LINGO2: variants seen among roughly 807,000 people sequenced by gnomAD.
LINGO2 encodes leucine rich repeat and Ig domain containing 2.
In LINGO2, 14 loss-of-function variants were observed where a neutral mutation model predicts 30.6. The ratio of observed to expected loss-of-function variants is 0.46; its 90% CI spans 0.30 to 0.72. LINGO2 has a LOEUF of 0.72. LINGO2 is among the 30% of genes least tolerant of loss of function. The probability of loss-of-function intolerance (pLI) is 0.07; values close to 1 mark genes in which losing one functional copy is unlikely to be tolerated. For missense variants in LINGO2, 729 were observed against 751.7 expected, an observed-to-expected ratio of 0.97 and a Z score of 0.35; for synonymous variants, 317 against 288.5, an observed-to-expected ratio of 1.10 and a Z score of -1.00.
the LINGO2 span, among the ~76,000 whole-genome samples, chr9:28,884,969 ATAATATATATAATATATAATAATATAT>A: frequency 0.013 from 216 of 16,972 alleles, 19 homozygotes; most frequent in Middle Eastern, 0.038. Context: ...TTTTATATAT[ATAATATATATAATATATAATAATATAT>A]TATATATATA....
the LINGO2 span, among the ~76,000 whole-genome samples, chr9:28,690,921 A>C: frequency 1.3e-5 from 2 of 152,340 alleles, no homozygotes; most frequent in East Asian, 3.9e-4. Flanking sequence ...ATTATAAATA[A>C]AAGTTGAAGA....
At chr9:28,006,897 T>C (rs1336353578) in intron 5 of LINGO2, among the ~76,000 whole-genome samples, 1 of 150,150 alleles carries the variant, frequency 6.7e-6, no homozygotes, top group East Asian at 2.0e-4. Context: ...GAGCAGCTAA[T>C]CCACATATAC....
At chr9:27,971,402 G>T (rs1338810906) in intron 5 of LINGO2, among the ~76,000 whole-genome samples, 1 of 152,060 alleles carries the variant, frequency 6.6e-6, no homozygotes, top group African/African-American at 2.4e-5. Flanking sequence ...TTATTTTTTA[G>T]ATTGAGTTCT....
the LINGO2 span, among the ~76,000 whole-genome samples, chr9:28,923,646 T>C: frequency 4.6e-5 from 7 of 151,918 alleles, no homozygotes; most frequent in Admixed American, 6.6e-5. Context: ...CTCGGGATAA[T>C]TGAATGTAGA....
the LINGO2 span, among the ~76,000 whole-genome samples, chr9:29,097,736 C>A: frequency 7.2e-6 from 1 of 138,170 alleles, no homozygotes; most frequent in African/African-American, 2.7e-5. Flanking sequence ...TATTTAAAAA[C>A]AAAAACTCCA....
chr9:28,162,382 A>C (rs1828311029), intron 4 of LINGO2, among the ~76,000 whole-genome samples: 1 of 152,080 alleles, frequency 6.6e-6, no homozygotes, highest in Non-Finnish European at 1.5e-5. Flanking sequence ...TTCATGTCAG[A>C]CTCTGGGTGA....
At chr9:28,987,233 G>C in the LINGO2 span, among the ~76,000 whole-genome samples, 3 of 151,662 alleles carry the variant, frequency 2.0e-5, no homozygotes, top group East Asian at 3.9e-4. Context: ...CTCATTATTG[G>C]TCTGTTCGTA....
At chr9:28,691,886 C>T in the LINGO2 span, among the ~76,000 whole-genome samples, 1 of 151,974 alleles carries the variant, frequency 6.6e-6, no homozygotes, top group Non-Finnish European at 1.5e-5. Context: ...CTGAAGAAAA[C>T]ATATAATGAA....
chr9:29,205,121 A>G, the LINGO2 span, among the ~76,000 whole-genome samples: 1 of 151,980 alleles, frequency 6.6e-6, no homozygotes, highest in Non-Finnish European at 1.5e-5. Context: ...GCTCACTGCA[A>G]CCTCCGCCTC....
At chr9:28,346,803 T>G (rs1204853758) in intron 3 of LINGO2, among the ~76,000 whole-genome samples, 2 of 152,138 alleles carry the variant, frequency 1.3e-5, no homozygotes, top group African/African-American at 4.8e-5. Context: ...GTCTTTTTTT[T>G]TTCATATGCT....
At chr9:28,156,453 A>G (rs897258563) in intron 4 of LINGO2, among the ~76,000 whole-genome samples, 1 of 152,204 alleles carries the variant, frequency 6.6e-6, no homozygotes, top group Admixed American at 6.5e-5. Context: ...TCTACATCCA[A>G]TCTTATGACA....
At chr9:28,805,623 A>T in the LINGO2 span, among the ~76,000 whole-genome samples, 1 of 152,198 alleles carries the variant, frequency 6.6e-6, no homozygotes, top group African/African-American at 2.4e-5. Flanking sequence ...ATACTTATTC[A>T]GTTTTCACAA....
At position 28,394,882 on chromosome 9, in the gene LINGO2, T is replaced by C. The variant is rs543747486; in HGVS notation, c.-278-22014A>G. ...CAGCCCCAAACTGTTGTCATTTTCTTCTTTAGTAAAATGAACACAAGTGCA... is the reference window on the plus strand; with the variant it reads ...CAGCCCCAAACTGTTGTCATTTTCTCCTTTAGTAAAATGAACACAAGTGCA... On this transcript the variant is annotated intron_variant, in intron 2 of 5. Coordinates refer to ENST00000379992, the Ensembl canonical transcript of LINGO2. Among the ~76,000 whole-genome samples, 91 of 152,358 alleles carry C rather than the reference T, an allele frequency of 6.0e-4. 2 individuals are homozygous for C. Among genetic ancestry groups the C allele is most frequent in the Middle Eastern group, 3.4e-3 (1 of 294 alleles).
the LINGO2 span, among the ~76,000 whole-genome samples, chr9:29,005,267 C>T: frequency 9.2e-5 from 14 of 151,972 alleles, no homozygotes; most frequent in Middle Eastern, 3.4e-3. Context: ...TTTAATAATA[C>T]ATCAGGGTTA....
intron 3 of LINGO2, among the ~76,000 whole-genome samples, chr9:28,356,548 T>C (rs1298132484): frequency 2.0e-5 from 3 of 152,150 alleles, no homozygotes; most frequent in Non-Finnish European, 2.9e-5. Flanking sequence ...CTGTACCATG[T>C]AGCTGTTTCT....
intron 1 of LINGO2, among the ~76,000 whole-genome samples, chr9:28,547,285 T>A (rs369566426): frequency 1.1e-4 from 17 of 152,244 alleles, no homozygotes; most frequent in African/African-American, 3.8e-4. Context: ...CAAGTTTTAG[T>A]AGATACATTT....
At chr9:28,908,844 C>T in the LINGO2 span, among the ~76,000 whole-genome samples, 21 of 151,976 alleles carry the variant, frequency 1.4e-4, no homozygotes, top group South Asian at 4.1e-3. Flanking sequence ...AGTTCTTAAT[C>T]ACAAACATTT....
chr9:28,832,733 G>T, the LINGO2 span, among the ~76,000 whole-genome samples: 1 of 152,116 alleles, frequency 6.6e-6, no homozygotes, highest in Non-Finnish European at 1.5e-5. Context: ...TACTGATCCA[G>T]CCATGTCTTT....
At chr9:28,907,665 A>C in the LINGO2 span, among the ~76,000 whole-genome samples, 1 of 151,794 alleles carries the variant, frequency 6.6e-6, no homozygotes, top group Non-Finnish European at 1.5e-5. Context: ...AGCTATGTCA[A>C]TTACAATATT....
Sources: gnomAD v4.1 joint callset for allele counts (sites outside exome capture counted in the v4.1 genomes callset) on GRCh38, gnomAD v4.1.1 for gene constraint, MANE v1.5 for transcripts, NCBI Gene and HGNC (gene_info 2026-07-23, HGNC 2026-07-21) for gene names.